BRIP1: variants seen among roughly 807,000 people sequenced by gnomAD.
The protein encoded by BRIP1 is BRCA1 interacting DNA helicase 1, also known as Fanconi anemia group J protein.
In BRIP1, 88 loss-of-function variants were observed where a neutral mutation model predicts 119.7. The observed-to-expected ratio is 0.74, with a 90% CI of 0.62 to 0.88. The LOEUF is 0.88. BRIP1 is among the 40% of genes least tolerant of loss of function. The pLI, the probability that BRIP1 is intolerant of heterozygous loss-of-function variation, is 0.00. For synonymous variants in BRIP1, 443 were observed against 496.5 expected, an observed-to-expected ratio of 0.89 and a Z score of 1.43; for missense variants, 1,259 against 1,455.4, an observed-to-expected ratio of 0.87 and a Z score of 2.20.
Position 61,799,233 on chromosome 17 carries a change from G to C in BRIP1, c.1207C>G (p.Arg403Gly), listed in dbSNP as rs369631413. 1 of 1,613,448 alleles carries C rather than the reference G, an allele frequency of 6.2e-7. No homozygotes were observed. The highest frequency in any genetic ancestry group is 8.5e-7 in the Non-Finnish European group (1 of 1,179,626). ...DEAHNIEDCA[R>G]ESASYSVTEV... ...GTTACACTGTAACTTGCTGATTCCC[G>C]AGCACAGTCCTCGATGTTATGAGCT... Residue 403 changes from arginine (R) to glycine (G), a missense_variant, in exon 9 of 20, where the codon CGG becomes GGG. Transcript: ENST00000259008. This position sits in a 1 kb window ranked among gnomAD's most constrained non-coding sequence, Gnocchi z 5.1.
At position 61,825,081 on chromosome 17, in the gene BRIP1, C is replaced by T. The variant is rs560724917; in HGVS notation, c.628-16324G>A. The stretch of plus-strand genomic sequence containing the variant: ...CAGGCGGATCGCAAGGTCAGGAGAT[C>T]GAGACCATCCTAGCTAACATGGTGA... On this transcript the variant is annotated intron_variant, in intron 6 of 19. Coordinates refer to ENST00000259008, the MANE Select transcript of BRIP1 (RefSeq NM_032043.3). This position sits in a 1 kb window ranked among gnomAD's most constrained non-coding sequence, Gnocchi z 4.1. 4.6e-5 allele frequency among the ~76,000 whole-genome samples: 7 copies of T among 152,040 alleles called. No individual in the cohort carries two copies. In the Middle Eastern group the frequency reaches 0.014, roughly 296 times the overall value.
Position 61,796,448 on chromosome 17 carries a change from G to T in BRIP1, c.1340+2652C>A, listed in dbSNP as rs1416683099. Among the ~76,000 whole-genome samples, 2 of 151,944 alleles carry T rather than the reference G, an allele frequency of 1.3e-5. No homozygotes were observed. The highest frequency in any genetic ancestry group is 2.9e-5 in the Non-Finnish European group (2 of 67,942). On this transcript the variant is annotated intron_variant, in intron 9 of 19. Transcript: ENST00000259008. This position sits in a 1 kb window ranked among gnomAD's most constrained non-coding sequence, Gnocchi z 4.8. Reference sequence around the variant, plus strand: ...ATTTTTGTTAATGGTGAAAGATAGGGGTCTTGTTTTATTCTCCTGTAGATG... The same window carrying T: ...ATTTTTGTTAATGGTGAAAGATAGGTGTCTTGTTTTATTCTCCTGTAGATG...
In BRIP1 at chr17:61,776,142, A is replaced by T. The variant is rs1405816500; in HGVS notation, c.2097+259T>A. The stretch of plus-strand genomic sequence containing the variant: ...AGTGATCCTCCCAGCTCAGCCTCCC[A>T]ACCTGCTGGGATTACAAGCATGAGC... On this transcript the variant is annotated intron_variant, in intron 14 of 19. Transcript: ENST00000259008. This position sits in a 1 kb window ranked among gnomAD's most constrained non-coding sequence, Gnocchi z 5.0. The T allele has an allele frequency of 4.6e-6, 2 of 439,040 alleles. No individual in the cohort carries two copies. The highest frequency in any genetic ancestry group is 9.3e-5 in the East Asian group (2 of 21,440). 27.2% of individuals were successfully genotyped at this position (439,040 alleles called of 1,614,324 possible).
Position 61,740,124 on chromosome 17 carries a change from C to A in BRIP1, c.2379+2889G>T, listed in dbSNP as rs2076967708. On this transcript the variant is annotated intron_variant, in intron 16 of 19. Transcript: ENST00000259008. The surrounding 1 kb of genome is among the most constrained non-coding windows in gnomAD (Gnocchi z 5.4). ...TCTCTGCTTGGGTATAATTTCCTGA[C>A]CACAGCACAGAGCATTAAAGTACAA... 6.6e-6 allele frequency among the ~76,000 whole-genome samples: 1 copy of A among 151,980 alleles called. No homozygotes were observed. The highest frequency in any genetic ancestry group is 2.4e-5 in the African/African-American group (1 of 41,392).
In BRIP1 at chr17:61,730,277, A is replaced by G. The variant is rs1404260341; in HGVS notation, c.2379+12736T>C. Among the ~76,000 whole-genome samples the G allele has an allele frequency of 6.6e-6, 1 of 152,234 alleles. No individual in the cohort carries two copies. Among genetic ancestry groups the G allele is most frequent in the African/African-American group, 2.4e-5 (1 of 41,464 alleles). ...CTTTACAGTTAGAAAAAAAAGTGAC[A>G]TAGTCACCTGAAGCCCCTCTACATG... On this transcript the variant is annotated intron_variant, in intron 16 of 19. Transcript: ENST00000259008. This position sits in a 1 kb window ranked among gnomAD's most constrained non-coding sequence, Gnocchi z 4.3.
chr17:61,850,400 C>T (rs942651016), intron 4 of BRIP1, among the ~76,000 whole-genome samples: 1 of 151,872 alleles, frequency 6.6e-6, no homozygotes, highest in African/African-American at 2.4e-5. Flanking sequence ...CGTGCCCAGC[C>T]AACAATCATT....
intron 10 of BRIP1, 55 bp from the exon 11 acceptor site, chr17:61,784,479 A>T (rs2077674599): frequency 2.0e-6 from 3 of 1,478,776 alleles, no homozygotes; most frequent in Admixed American, 3.6e-5. Context: ...TTGGAAAAAG[A>T]AACTTCTCAA....
chr17:61,695,297 T>C lies in BRIP1; in HGVS notation c.2493-1785A>G, dbSNP rs1490303968. On this transcript the variant is annotated intron_variant, in intron 17 of 19. Transcript: ENST00000259008. This position sits in a 1 kb window ranked among gnomAD's most constrained non-coding sequence, Gnocchi z 4.3. ...ACTCTTGTCAAAAACCAGTTCACTGTAGATGTATGAATTTGTTTATGGACC... is the reference window on the plus strand; with the variant it reads ...ACTCTTGTCAAAAACCAGTTCACTGCAGATGTATGAATTTGTTTATGGACC... Among the ~76,000 whole-genome samples, 1 of 152,156 alleles carries C rather than the reference T, an allele frequency of 6.6e-6. No individual in the cohort carries two copies. Among genetic ancestry groups the C allele is most frequent in the African/African-American group, 2.4e-5 (1 of 41,458 alleles).
rs1205603037 is a variant in BRIP1, at chr17:61,776,823, T to C, written c.1936-261A>G. Among the ~76,000 whole-genome samples the C allele has an allele frequency of 3.3e-5, 5 of 152,248 alleles. No homozygotes were observed. The highest frequency in any genetic ancestry group is 2.6e-4 in the Admixed American group (4 of 15,278). On this transcript the variant is annotated intron_variant, in intron 13 of 19. Transcript: ENST00000259008. This position sits in a 1 kb window ranked among gnomAD's most constrained non-coding sequence, Gnocchi z 5.0. Reference sequence around the variant, plus strand: ...GTTGTACCTGTCTCTGTTTACTTAATAGCTTTGCAAAATTTAAGCATGTAA... The same window carrying C: ...GTTGTACCTGTCTCTGTTTACTTAACAGCTTTGCAAAATTTAAGCATGTAA...
At chr17:61,849,080 G>A (rs1280841978) in intron 5 of BRIP1, 49 bp downstream of exon 5, 1 of 1,602,616 alleles carries the variant, frequency 6.2e-7, no homozygotes, top group East Asian at 2.2e-5. Context: ...TGACTACCAT[G>A]TTCAGCTGTA....
rs876660519 is a variant in BRIP1, at chr17:61,780,875, G to C, written c.1759C>G (p.His587Asp). 2.0e-5 allele frequency: 32 copies of C among 1,614,034 alleles called. No individual in the cohort carries two copies. The highest frequency in any genetic ancestry group is 2.5e-5 in the Non-Finnish European group (30 of 1,180,030). Reference protein sequence around the residue: ...KKRSRQKTAVHVLNFWCLNPA... With the variant: ...KKRSRQKTAVDVLNFWCLNPA... ...TTTAAGCACCAAAAGTTTAGCACAT[G>C]AACTGCAGTTTTCTGTCGTGAACGT... Residue 587 changes from histidine (H) to aspartate (D), a missense_variant, in exon 12 of 20, where the codon CAT (histidine) becomes GAT (aspartate). His to Asp is a moderately conservative substitution (Grantham distance 81). Transcript: ENST00000259008. The surrounding 1 kb of genome is among the most constrained non-coding windows in gnomAD (Gnocchi z 5.4).
rs1232161590 is a variant in BRIP1 at position 61,743,992 on chromosome 17, T to C, written c.2257+440A>G. On this transcript the variant is annotated intron_variant, in intron 15 of 19. Coordinates refer to ENST00000259008, the MANE Select transcript of BRIP1 (RefSeq NM_032043.3). The surrounding 1 kb of genome is among the most constrained non-coding windows in gnomAD (Gnocchi z 4.3). ...AAGAGCCACCACGCCCGGCCTCACA[T>C]CAAACTCTTCATGGATATGCTCTAA... 6.6e-6 allele frequency among the ~76,000 whole-genome samples: 1 copy of C among 152,182 alleles called. No individual in the cohort carries two copies. Among genetic ancestry groups the C allele is most frequent in the Admixed American group, 6.5e-5 (1 of 15,276 alleles).
rs2061361150 is a variant in BRIP1, at chr17:61,686,134, C to G, written c.2607G>C (p.Gln869His). The G allele has an allele frequency of 1.2e-6, 2 of 1,614,016 alleles. No homozygotes were observed. The highest frequency in any genetic ancestry group is 4.5e-5 in the East Asian group (2 of 44,866). ...GTGCACTTTCAAAGGTTGAATGGTG[C>G]TGAATCTGCTGCCGTACCCATTTAG... ...GLSKWVRQQI[Q>H]HHSTFESALE... is the part of the protein sequence containing the mutation. The change falls in exon 19 of 20, where the codon CAG becomes CAC. Residue 869 changes from glutamine to histidine, a missense_variant. Gln to His is a conservative substitution (Grantham distance 24). This residue lies in a region of BRIP1 where 753 missense variants were observed against 891.8 expected (regional missense o/e 0.84). Transcript: ENST00000259008. The surrounding 1 kb of genome is among the most constrained non-coding windows in gnomAD (Gnocchi z 5.4).
At position 61,748,783 on chromosome 17, in the gene BRIP1, G is replaced by C. The variant is rs900939102; in HGVS notation, c.2098-4192C>G. ...ATCCACATGCAAAAGAATAAAACTG[G>C]ACCTTTATCTTACACAATACACAAA... On this transcript the variant is annotated intron_variant, in intron 14 of 19. Transcript: ENST00000259008. This position sits in a 1 kb window ranked among gnomAD's most constrained non-coding sequence, Gnocchi z 4.7. Among the ~76,000 whole-genome samples, 1 of 152,116 alleles carries C rather than the reference G, an allele frequency of 6.6e-6. No homozygotes were observed. The highest frequency in any genetic ancestry group is 1.5e-5 in the Non-Finnish European group (1 of 68,036).
Position 61,701,066 on chromosome 17 carries a change from T to C in BRIP1, c.2493-7554A>G, listed in dbSNP as rs2061606912. ...GAGGTGAGACATCATTCTCACAGTT[T>C]TTGACACAGTTTGCTTAGTTATTGA... is the stretch of plus-strand genomic sequence containing the variant. On this transcript the variant is annotated intron_variant, in intron 17 of 19. Transcript: ENST00000259008. The surrounding 1 kb of genome is among the most constrained non-coding windows in gnomAD (Gnocchi z 5.1). Among the ~76,000 whole-genome samples the C allele has an allele frequency of 6.6e-6, 1 of 152,182 alleles. No homozygotes were observed. Among genetic ancestry groups the C allele is most frequent in the Non-Finnish European group, 1.5e-5 (1 of 68,024 alleles).
At chr17:61,830,683 C>A (rs1433581966) in intron 6 of BRIP1, among the ~76,000 whole-genome samples, 2 of 151,944 alleles carry the variant, frequency 1.3e-5, no homozygotes, top group African/African-American at 4.8e-5. Context: ...AAAAGTCTTC[C>A]CAAAAATAAC....
chr17:61,851,042 A>G lies in BRIP1; in HGVS notation c.380-1786T>C, dbSNP rs148958729. On this transcript the variant is annotated intron_variant, in intron 4 of 19. Transcript: ENST00000259008. This position sits in a 1 kb window ranked among gnomAD's most constrained non-coding sequence, Gnocchi z 4.6. ...CAGGAGTTTGAGACCAGCCTGGCCAACGTGACGAAAGCCCATCTCTACTAA... is the reference window on the plus strand; with the variant it reads ...CAGGAGTTTGAGACCAGCCTGGCCAGCGTGACGAAAGCCCATCTCTACTAA... Among the ~76,000 whole-genome samples the G allele has an allele frequency of 1.3e-4, 20 of 152,170 alleles. No homozygotes were observed. In the East Asian group the frequency reaches 3.3e-3, roughly 25 times the overall value.
rs1043744643 is a variant in BRIP1, at chr17:61,762,159, ACT to A, written c.2097+14240_2097+14241del. ...CAAGTATACACAATGGGAAAAAAAG[ACT>A]CTCTAAAAATGGTGCTAAGAAAATT... On this transcript the variant is annotated intron_variant, in intron 14 of 19. Transcript: ENST00000259008. This position sits in a 1 kb window ranked among gnomAD's most constrained non-coding sequence, Gnocchi z 4.3. Among the ~76,000 whole-genome samples, 2 of 151,996 alleles carry A rather than the reference ACT, an allele frequency of 1.3e-5. No individual in the cohort carries two copies. Among genetic ancestry groups the A allele is most frequent in the South Asian group, 2.1e-4 (1 of 4,830 alleles).
At position 61,860,347 on chromosome 17, in the gene BRIP1, C is replaced by A. The variant is rs886315189; in HGVS notation, c.94-440G>T. Among the ~76,000 whole-genome samples, 1 of 152,202 alleles carries A rather than the reference C, an allele frequency of 6.6e-6. No individual in the cohort carries two copies. Among genetic ancestry groups the A allele is most frequent in the Admixed American group, 6.5e-5 (1 of 15,282 alleles). On this transcript the variant is annotated intron_variant, in intron 2 of 19. Transcript: ENST00000259008. This position sits in a 1 kb window ranked among gnomAD's most constrained non-coding sequence, Gnocchi z 4.1. Reference sequence around the variant, plus strand: ...TTCTATGTGTACACCCAAAACCTTTCCCACATGAACACAAGGAAACATGCA... The same window carrying A: ...TTCTATGTGTACACCCAAAACCTTTACCACATGAACACAAGGAAACATGCA...
Sources: allele counts gnomAD v4.1 joint callset (sites outside exome capture counted in the v4.1 genomes callset), GRCh38; gene constraint gnomAD v4.1.1; regional missense constraint gnomAD v4.1.1; non-coding constraint Gnocchi (gnomAD v3.1); transcripts MANE v1.5; gene names NCBI Gene and HGNC (gene_info 2026-07-23, HGNC 2026-07-21).